The following TEK variants were observed in gnomAD, a reference collection of about 807,000 sequenced individuals.
TEK encodes the protein angiopoietin-1 receptor.
TEK carries 43 observed loss-of-function variants against 131.8 expected under a neutral mutation model. That is an observed-to-expected ratio of 0.33 (90% CI 0.26 to 0.42). The LOEUF is 0.42. Among genes scored for constraint, TEK ranks in the 10% least tolerant of loss-of-function variants. The probability of loss-of-function intolerance (pLI) is 1.00; values close to 1 mark genes in which losing one functional copy is unlikely to be tolerated. For synonymous variants in TEK, 580 were observed against 491.6 expected (o/e 1.18, Z -2.38); for missense variants, 1,162 against 1,384.4 (o/e 0.84, Z 2.55).
intron 1 of TEK, among the ~76,000 whole-genome samples, chr9:27,113,657 C>A (rs1161895218): frequency 2.0e-5 from 3 of 152,060 alleles, no homozygotes; most frequent in East Asian, 1.9e-4. Context: ...CTATGAGAAC[C>A]ACTGTGCTAG....
chr9:27,141,419 A>G (rs1397101263), intron 1 of TEK, among the ~76,000 whole-genome samples: 1 of 152,186 alleles, frequency 6.6e-6, no homozygotes, highest in African/African-American at 2.4e-5. Flanking sequence ...TCATGTGTCA[A>G]TGAGGAACTC....
chr9:27,209,466 G>T (rs1020412960), intron 16 of TEK, among the ~76,000 whole-genome samples: 1 of 152,120 alleles, frequency 6.6e-6, no homozygotes, highest in African/African-American at 2.4e-5. Flanking sequence ...AGCCATTACT[G>T]CCCAAAGGTA....
Position 27,212,849 on chromosome 9 carries a change from C to T in TEK, c.2829C>T (p.His943=). The T allele has an allele frequency of 6.2e-7, 1 of 1,614,174 alleles. No homozygotes were observed. The highest frequency in any genetic ancestry group is 8.5e-7 in the Non-Finnish European group (1 of 1,180,010). Residue 943 remains histidine (H), a synonymous_variant, in exon 17 of 23, where the codon CAC becomes CAT. Coordinates refer to ENST00000380036, the MANE Select transcript of TEK (RefSeq NM_000459.5). The part of the protein sequence containing the change: ...ASTLSSQQLL[H]FAADVARGMD... The stretch of plus-strand genomic sequence containing the variant: ...CACTGTCCTCCCAGCAGCTCCTTCA[C>T]TTCGCTGCCGACGTGGCCCGGGGCA...
At position 27,220,035 on chromosome 9, in the gene TEK, T is replaced by C. The variant is rs753480239; in HGVS notation, c.3104-14T>C. On this transcript the variant is annotated splice_polypyrimidine_tract_variant and intron_variant, in intron 20 of 22. Coordinates refer to ENST00000380036, the MANE Select transcript of TEK (RefSeq NM_000459.5). ...TGCCAGAGAGGACTTAGAGTGGCAC[T>C]GTTTGTCTTCCAGGAGGCACACCCT... 3.1e-6 allele frequency: 5 copies of C among 1,613,768 alleles called. No individual in the cohort carries two copies. The Admixed American group carries it at 5.0e-5, about 16-fold the overall frequency.
At chr9:27,182,279 C>T (rs1434193732) in intron 7 of TEK, among the ~76,000 whole-genome samples, 2 of 152,116 alleles carry the variant, frequency 1.3e-5, no homozygotes, top group African/African-American at 4.8e-5. Context: ...CACTTTAGCC[C>T]AGCACATCCA....
At chr9:27,142,883 CAA>C (rs1378096347) in intron 1 of TEK, among the ~76,000 whole-genome samples, 1 of 152,194 alleles carries the variant, frequency 6.6e-6, no homozygotes, top group African/African-American at 2.4e-5. Context: ...TCATTAAAAA[CAA>C]TGCACGTTAA....
Position 27,183,586 on chromosome 9 carries a change from G to A in TEK, c.1158G>A (p.Val386=), listed in dbSNP as rs1462204186. The A allele has an allele frequency of 1.2e-6, 2 of 1,613,940 alleles. No homozygotes were observed. Among genetic ancestry groups the A allele is most frequent in the Non-Finnish European group, 1.7e-6 (2 of 1,179,840 alleles). Residue 386 remains valine, a synonymous_variant, in exon 8 of 23, where the codon GTG becomes GTA. Transcript: ENST00000380036. The part of the protein sequence containing the change: ...PLPTNEEMTL[V]KPDGTVLHPK... The stretch of plus-strand genomic sequence containing the variant: ...CTACTAATGAAGAAATGACCCTGGT[G>A]AAGCCGGATGGGACAGTGCTCCATG...
At position 27,136,085 on chromosome 9, in the gene TEK, A is replaced by ATTTTTTTTT. The variant is rs36023271; in HGVS notation, c.53-21740_53-21732dup. ...TCCTCTGTGAATTCCCAGGGCAGTT[A>ATTTTTTTTT]TTTTTTTTTTTTTTGAGATGGAGTC... On this transcript the variant is annotated intron_variant, in intron 1 of 22. Coordinates refer to ENST00000380036, the MANE Select transcript of TEK (RefSeq NM_000459.5). 9.2e-4 allele frequency among the ~76,000 whole-genome samples: 126 copies of ATTTTTTTTT among 137,010 alleles called. 2 individuals carry two copies. Among genetic ancestry groups the ATTTTTTTTT allele is most frequent in the African/African-American group, 1.4e-3 (53 of 36,850 alleles). 89.9% of individuals were successfully genotyped at this position (137,010 alleles called of 152,430 possible).
intron 1 of TEK, among the ~76,000 whole-genome samples, chr9:27,118,528 G>A (rs144194031): frequency 6.6e-6 from 1 of 152,176 alleles, no homozygotes; most frequent in South Asian, 2.1e-4. Flanking sequence ...CAGCAACCCG[G>A]GAGGCTGAGA....
At chr9:27,137,531 A>G (rs1358695875) in intron 1 of TEK, among the ~76,000 whole-genome samples, 1 of 152,122 alleles carries the variant, frequency 6.6e-6, no homozygotes, top group Non-Finnish European at 1.5e-5. Flanking sequence ...AGCTGGCCCT[A>G]TGGATTTTTG....
chr9:27,126,225 A>T (rs897720743), intron 1 of TEK, among the ~76,000 whole-genome samples: 7 of 152,194 alleles, frequency 4.6e-5, no homozygotes, highest in Middle Eastern at 3.2e-3. Flanking sequence ...CTCCTGCCTG[A>T]ACAAAGCTTA....
At chr9:27,152,810 G>A (rs1042276199) in intron 1 of TEK, among the ~76,000 whole-genome samples, 2 of 152,096 alleles carry the variant, frequency 1.3e-5, no homozygotes, top group Non-Finnish European at 2.9e-5. Flanking sequence ...TAATATGGGT[G>A]TTGATTCAGG....
intron 9 of TEK, among the ~76,000 whole-genome samples, chr9:27,189,736 C>T (rs1824738850): frequency 6.6e-6 from 1 of 152,118 alleles, no homozygotes; most frequent in Non-Finnish European, 1.5e-5. Context: ...AACAGATGGT[C>T]TCCTAAGCCT....
intron 1 of TEK, among the ~76,000 whole-genome samples, chr9:27,146,786 G>A (rs1208824250): frequency 5.5e-5 from 8 of 146,436 alleles, no homozygotes; most frequent in Non-Finnish European, 1.0e-4. Context: ...CTGGAGTGCA[G>A]TGGCGTGACC....
At chr9:27,151,450 GTAAC>G (rs1823123792) in intron 1 of TEK, among the ~76,000 whole-genome samples, 1 of 152,096 alleles carries the variant, frequency 6.6e-6, no homozygotes, top group Non-Finnish European at 1.5e-5. Flanking sequence ...TGAAAAATGA[GTAAC>G]TACTGCTCAG....
chr9:27,191,268 C>T (rs1350251326), intron 10 of TEK, among the ~76,000 whole-genome samples: 1 of 152,018 alleles, frequency 6.6e-6, no homozygotes, highest in South Asian at 2.1e-4. Flanking sequence ...GAGCTACAGA[C>T]CCCTCCCCTA....
At chr9:27,212,993 T>A in intron 17 of TEK, 96 bp downstream of exon 17, 1 of 1,321,006 alleles carries the variant, frequency 7.6e-7, no homozygotes, top group Non-Finnish European at 1.1e-6. Context: ...CCTCTCTTCT[T>A]TAACTCCTTC....
At chr9:27,166,450 C>G (rs1172603069) in intron 2 of TEK, among the ~76,000 whole-genome samples, 2 of 152,112 alleles carry the variant, frequency 1.3e-5, no homozygotes, top group Admixed American at 1.3e-4. Flanking sequence ...CTTTTTGTTT[C>G]ATGAGCTTTG....
chr9:27,222,766 A>C (rs1826138818), intron 21 of TEK, among the ~76,000 whole-genome samples: 1 of 152,182 alleles, frequency 6.6e-6, no homozygotes, highest in Non-Finnish European at 1.5e-5. Context: ...ACATACCAAA[A>C]TCTAAAGACC....
Sources: gnomAD v4.1 joint callset for allele counts (sites outside exome capture counted in the v4.1 genomes callset) on GRCh38, gnomAD v4.1.1 for gene constraint, MANE v1.5 for transcripts, NCBI Gene and HGNC (gene_info 2026-07-23, HGNC 2026-07-21) for gene names.